ABCB5: variants seen among roughly 807,000 people sequenced by gnomAD.
The protein encoded by ABCB5 is ATP binding cassette subfamily B member 5.
In ABCB5, 155 loss-of-function variants were observed where a neutral mutation model predicts 144.2. The observed-to-expected ratio is 1.08, with a 90% CI of 0.94 to 1.23. The LOEUF is 1.23. ABCB5 is among the 50% of genes most tolerant of loss of function. ABCB5 has a pLI of 0.00. For synonymous variants in ABCB5, 610 were observed against 528.6 expected (o/e 1.15, Z -2.11); for missense variants, 1,830 against 1,520.8 (o/e 1.20, Z -3.38).
chr7:20,726,647 A>G (rs1452836293), intron 21 of ABCB5, among the ~76,000 whole-genome samples: 1 of 152,048 alleles, frequency 6.6e-6, no homozygotes, highest in East Asian at 1.9e-4. Context: ...GATTACAATC[A>G]TAAGCCATTG....
chr7:20,680,339 AC>A (rs1242896326), intron 14 of ABCB5, among the ~76,000 whole-genome samples: 1 of 152,140 alleles, frequency 6.6e-6, no homozygotes, highest in Non-Finnish European at 1.5e-5. Context: ...CGGGTGCATC[AC>A]AAGGTCAGGA....
chr7:20,693,254 C>G (rs1387259008), intron 16 of ABCB5, among the ~76,000 whole-genome samples: 1 of 151,844 alleles, frequency 6.6e-6, no homozygotes, highest in East Asian at 1.9e-4. Flanking sequence ...GTAGTCCCAG[C>G]TACTGGAAGG....
At chr7:20,647,837 C>G in intron 10 of ABCB5, 131 bp from the exon 11 acceptor site, 2 of 1,104,468 alleles carry the variant, frequency 1.8e-6, no homozygotes, top group Non-Finnish European at 1.3e-6. Context: ...ACCTTCATGT[C>G]TAACTCAATG....
rs567796495 is a variant in ABCB5, at chr7:20,646,054, T to C, written c.897T>C (p.Asn299=). The C allele has an allele frequency of 1.2e-6, 2 of 1,613,864 alleles. No homozygotes were observed. Among genetic ancestry groups the C allele is most frequent in the Non-Finnish European group, 1.7e-6 (2 of 1,179,798 alleles). Residue 299 remains asparagine (N), a synonymous_variant, in exon 9 of 28, where the codon AAT becomes AAC. Coordinates refer to ENST00000404938, the MANE Select transcript of ABCB5 (RefSeq NM_001163941.2). ...VSLGAVYFFM[N]GTYGLAFWYG... ...TTGGTGCTGTGTACTTCTTTATGAA[T>C]GGAACCTATGGACTTGCTTTTTGGT...
intron 13 of ABCB5, among the ~76,000 whole-genome samples, chr7:20,652,290 G>A (rs906444319): frequency 2.6e-5 from 4 of 152,156 alleles, no homozygotes; most frequent in African/African-American, 4.8e-5. Flanking sequence ...AAATCAGGCC[G>A]GGTGCGGTGG....
chr7:20,659,572 C>T lies in ABCB5; in HGVS notation c.1707+896C>T, dbSNP rs543577370. ...AACGCTTGTTTCCCTCCCATAATAACAATGCCACATGTTGCTTGTGTGATA... is the reference window on the plus strand; with the variant it reads ...AACGCTTGTTTCCCTCCCATAATAATAATGCCACATGTTGCTTGTGTGATA... On this transcript the variant is annotated intron_variant, in intron 14 of 27. Coordinates refer to ENST00000404938, the MANE Select transcript of ABCB5 (RefSeq NM_001163941.2). The T allele has an allele frequency of 1.2e-3, 1,152 of 996,146 alleles. 1 individual carries two copies. Among genetic ancestry groups the T allele is most frequent in the Admixed American group, 2.1e-3 (38 of 17,700 alleles). 61.7% of individuals were successfully genotyped at this position (996,146 alleles called of 1,614,324 possible).
intron 1 of ABCB5, among the ~76,000 whole-genome samples, chr7:20,617,776 A>C (rs1276709726): frequency 3.3e-5 from 5 of 152,222 alleles, no homozygotes; most frequent in Non-Finnish European, 7.3e-5. Context: ...AAAAAGAGAT[A>C]ATCCTGCAAA....
In ABCB5 at chr7:20,723,077, T is replaced by C; in HGVS notation, c.2483T>C (p.Ile828Thr). The change falls in exon 21 of 28, where the codon ATC becomes ACC. Residue 828 changes from isoleucine to threonine, a missense_variant. Coordinates refer to ENST00000404938, the MANE Select transcript of ABCB5 (RefSeq NM_001163941.2). ...QNATNMGLSVIISFIYGWEMT... is the reference protein window; with the variant it reads ...QNATNMGLSVTISFIYGWEMT... ...GCAACTAACATGGGACTTTCAGTTA[T>C]CATTTCCTTTATATATGGATGGGAG... The C allele has an allele frequency of 6.2e-7, 1 of 1,614,192 alleles. No homozygotes were observed. Among genetic ancestry groups the C allele is most frequent in the Non-Finnish European group, 8.5e-7 (1 of 1,180,028 alleles).
intron 14 of ABCB5, among the ~76,000 whole-genome samples, chr7:20,670,272 T>C (rs2128035405): frequency 6.6e-6 from 1 of 152,162 alleles, no homozygotes; most frequent in South Asian, 2.1e-4. Context: ...GGTTCAGTAG[T>C]TGTGGCAAAT....
At position 20,646,046 on chromosome 7, in the gene ABCB5, T is replaced by C. The variant is rs1562535782; in HGVS notation, c.889T>C (p.Phe297Leu). The change falls in exon 9 of 28, where the codon TTT (phenylalanine) becomes CTT (leucine). Residue 297 changes from phenylalanine to leucine, a missense_variant. Physicochemically the swap from Phe to Leu is conservative, Grantham distance 22. Coordinates refer to ENST00000404938, the MANE Select transcript of ABCB5 (RefSeq NM_001163941.2). ...SKVSLGAVYFFMNGTYGLAFW... is the reference protein window; with the variant it reads ...SKVSLGAVYFLMNGTYGLAFW... The stretch of plus-strand genomic sequence containing the variant: ...AGTGTCTCTTGGTGCTGTGTACTTC[T>C]TTATGAATGGAACCTATGGACTTGC... The C allele has an allele frequency of 6.2e-7, 1 of 1,613,902 alleles. No homozygotes were observed. The highest frequency in any genetic ancestry group is 8.5e-7 in the Non-Finnish European group (1 of 1,179,818).
Position 20,745,431 on chromosome 7 carries a change from T to A in ABCB5, c.3422T>A (p.Leu1141His). The A allele has an allele frequency of 6.2e-7, 1 of 1,614,040 alleles. No homozygotes were observed. The highest frequency in any genetic ancestry group is 8.5e-7 in the Non-Finnish European group (1 of 1,179,984). ...AATATCCATTCTTTTATTGAAGGTCTCCCTGAGGTAAGAAAATTTCTGAAA... is the reference window on the plus strand; with the variant it reads ...AATATCCATTCTTTTATTGAAGGTCACCCTGAGGTAAGAAAATTTCTGAAA... ...AANIHSFIEG[L>H]PEKYNTQVGL... is the part of the protein sequence containing the mutation. Residue 1141 changes from leucine to histidine, a missense_variant, in exon 26 of 28, where the codon CTC (leucine) becomes CAC (histidine). Transcript: ENST00000404938.
chr7:20,751,956 T>A (rs2128057843), intron 26 of ABCB5, among the ~76,000 whole-genome samples: 1 of 152,324 alleles, frequency 6.6e-6, no homozygotes, highest in Admixed American at 6.5e-5. Context: ...CATGCACCTA[T>A]GCATGTTAAA....
chr7:20,662,037 G>C (rs113686902), intron 14 of ABCB5, among the ~76,000 whole-genome samples: 1,952 of 152,302 alleles, frequency 0.013, 37 homozygotes, highest in African/African-American at 0.044. Flanking sequence ...ACATGGCAGT[G>C]AGCACCTGCA....
At chr7:20,683,984 G>GA (rs11383924) in intron 15 of ABCB5, among the ~76,000 whole-genome samples, 152,322 of 152,324 alleles carry the variant, frequency 1, 76,160 homozygotes, top group Middle Eastern at 1. Context: ...TTTAGTCCTT[G>GA]GCAAGTTATT....
At chr7:20,665,246 C>A (rs927899622) in intron 14 of ABCB5, among the ~76,000 whole-genome samples, 1 of 152,140 alleles carries the variant, frequency 6.6e-6, no homozygotes, top group African/African-American at 2.4e-5. Flanking sequence ...GGTCAACGAG[C>A]AGGTGAGTCA....
At position 20,650,153 on chromosome 7, in the gene ABCB5, T is replaced by C; in HGVS notation, c.1332+6T>C. ...ATGATCCGGATGATGGCTTTGTAAG[T>C]GCAGCTAGCAAAACCATGCACAGTC... On this transcript the variant is annotated splice_donor_region_variant and intron_variant, in intron 12 of 27. Coordinates refer to ENST00000404938, the MANE Select transcript of ABCB5 (RefSeq NM_001163941.2). The C allele has an allele frequency of 1.2e-6, 2 of 1,613,218 alleles. No individual in the cohort carries two copies. Among genetic ancestry groups the C allele is most frequent in the Non-Finnish European group, 1.7e-6 (2 of 1,179,412 alleles).
intron 2 of ABCB5, among the ~76,000 whole-genome samples, chr7:20,626,050 G>A (rs751233864): frequency 1.4e-4 from 21 of 152,174 alleles, no homozygotes; most frequent in Non-Finnish European, 2.5e-4. Flanking sequence ...ACAGCCAGAC[G>A]AAACAGACAC....
In ABCB5 at chr7:20,726,358, C is replaced by CTTTTTTTTTTTTT. The variant is rs1172285058; in HGVS notation, c.2626-670_2626-658dup. ...TATGTGATTACTTTATCTCTGCTAT[C>CTTTTTTTTTTTTT]TTTTTTTTTTTTTTTTTTTTTTTTG... is the stretch of plus-strand genomic sequence containing the variant. On this transcript the variant is annotated intron_variant, in intron 21 of 27. Coordinates refer to ENST00000404938, the MANE Select transcript of ABCB5 (RefSeq NM_001163941.2). 1.5e-4 allele frequency among the ~76,000 whole-genome samples: 12 copies of CTTTTTTTTTTTTT among 78,420 alleles called. 1 individual carries two copies. The highest frequency in any genetic ancestry group is 2.0e-4 in the Admixed American group (1 of 4,998). 51.4% of individuals were successfully genotyped at this position (78,420 alleles called of 152,430 possible).
chr7:20,678,610 C>CAAAACA (rs571153694), intron 14 of ABCB5, among the ~76,000 whole-genome samples: 85 of 149,162 alleles, frequency 5.7e-4, no homozygotes, highest in African/African-American at 1.3e-3. Context: ...TAGGCATTTA[C>CAAAACA]AAAACAAAAA....
Sources: allele counts gnomAD v4.1 joint callset (sites outside exome capture counted in the v4.1 genomes callset), GRCh38; gene constraint gnomAD v4.1.1; transcripts MANE v1.5; gene names NCBI Gene and HGNC (gene_info 2026-07-23, HGNC 2026-07-21).